Variants in HABP4 observed in about 807,000 individuals in gnomAD.
HABP4 encodes the protein hyaluronan binding protein 4.
A neutral mutation model predicts 44.1 loss-of-function variants in HABP4; 32 were observed. The observed-to-expected ratio is 0.73, with a 90% CI of 0.55 to 0.97. The LOEUF is 0.97. Among genes scored for constraint, HABP4 ranks in the 50% least tolerant of loss-of-function variants. The probability of loss-of-function intolerance (pLI) is 0.00; values close to 1 mark genes in which losing one functional copy is unlikely to be tolerated. For synonymous variants in HABP4, 216 were observed against 218.0 expected, an observed-to-expected ratio of 0.99 and a Z score of 0.08; for missense variants, 503 against 561.9, an observed-to-expected ratio of 0.90 and a Z score of 1.06.
At chr9:96,485,720 A>G (rs375808271) in intron 6 of HABP4, among the ~76,000 whole-genome samples, 1 of 152,110 alleles carries the variant, frequency 6.6e-6, no homozygotes, top group African/African-American at 2.4e-5. Context: ...AAGCATTCCC[A>G]TTATGGGATT....
At chr9:96,457,800 G>A (rs1189689075) in intron 1 of HABP4, among the ~76,000 whole-genome samples, 1 of 152,172 alleles carries the variant, frequency 6.6e-6, no homozygotes, top group Non-Finnish European at 1.5e-5. Context: ...CCTGGGAGGC[G>A]GAGATTGCAG....
At chr9:96,465,937 A>C (rs1183394838) in intron 4 of HABP4, among the ~76,000 whole-genome samples, 159 bp downstream of exon 4, 1 of 152,204 alleles carries the variant, frequency 6.6e-6, no homozygotes, top group Non-Finnish European at 1.5e-5. Context: ...ATAAGTTTTT[A>C]AAACAGGTTT....
In HABP4 at chr9:96,490,325, G is replaced by T. The variant is rs1253271855; in HGVS notation, c.*287G>T. Reference sequence around the variant, plus strand: ...ATATAGAGATAGTATAGACTCCTCCGCGGAAGCATGGAGGGAAAGGAGGTT... The same window carrying T: ...ATATAGAGATAGTATAGACTCCTCCTCGGAAGCATGGAGGGAAAGGAGGTT... On this transcript the variant is annotated 3_prime_UTR_variant, in exon 8 of 8. Transcript: ENST00000375249. 2 of 328,886 alleles carry T rather than the reference G, an allele frequency of 6.1e-6. No homozygotes were observed. Among genetic ancestry groups the T allele is most frequent in the African/African-American group, 2.1e-5 (1 of 47,408 alleles). The allele number at this position is 328,886 out of a possible 1,614,324, so 20.4% of individuals were successfully genotyped here. A position where few individuals can be genotyped will look rare whatever the true frequency, so the allele number is the denominator to read the frequency against.
At position 96,484,672 on chromosome 9, in the gene HABP4, T is replaced by A. The variant is rs1564169586; in HGVS notation, c.999+39T>A. The A allele has an allele frequency of 4.5e-6, 5 of 1,106,736 alleles. 1 individual carries two copies. The highest frequency in any genetic ancestry group is 4.7e-5 in the East Asian group (2 of 42,552). The allele number at this position is 1,106,736 out of a possible 1,614,324, so 68.6% of individuals were successfully genotyped here. ...TTCGTATGTAGAGGTAATCTTTACT[T>A]TTACCTTACTGGAAGTGAAATGTAC... On this transcript the variant is annotated intron_variant, in intron 6 of 7. Transcript: ENST00000375249.
chr9:96,483,877 C>T (rs1590973), intron 5 of HABP4: 45,662 of 151,990 alleles, frequency 0.3, 8,969 homozygotes, highest in African/African-American at 0.57. Context: ...TATCCAGTTG[C>T]CCAAGCACCG....
intron 1 of HABP4, among the ~76,000 whole-genome samples, chr9:96,456,781 ATATATATATATATATATATATAT>A (rs1348918830): frequency 3.0e-4 from 9 of 30,142 alleles, no homozygotes; most frequent in African/African-American, 4.3e-4. Flanking sequence ...AAAAAAAAAA[ATATATATATATATATATATATAT>A]ATATATATAT....
At chr9:96,469,715 G>A (rs887917884) in intron 4 of HABP4, among the ~76,000 whole-genome samples, 6 of 152,100 alleles carry the variant, frequency 3.9e-5, no homozygotes, top group African/African-American at 1.4e-4. Context: ...TAGAGACGGT[G>A]TTTCACCATG....
intron 2 of HABP4, among the ~76,000 whole-genome samples, chr9:96,459,678 T>C (rs1832466439): frequency 6.6e-6 from 1 of 152,178 alleles, no homozygotes; most frequent in African/African-American, 2.4e-5. Context: ...CCATTCCATT[T>C]AGGATTCTGG....
At chr9:96,484,098 G>C (rs141753715) in intron 5 of HABP4, 1 of 162,364 alleles carries the variant, frequency 6.2e-6, no homozygotes, top group East Asian at 1.8e-4. Context: ...TTTAAAACTT[G>C]TTTATGGTTT....
chr9:96,457,954 T>C (rs929689833), intron 1 of HABP4, among the ~76,000 whole-genome samples: 2 of 152,214 alleles, frequency 1.3e-5, no homozygotes, highest in African/African-American at 4.8e-5. Context: ...CCATAGTTGC[T>C]ATGTAATGTG....
At chr9:96,464,662 G>A (rs1021305313) in intron 2 of HABP4, among the ~76,000 whole-genome samples, 1 of 152,186 alleles carries the variant, frequency 6.6e-6, no homozygotes, top group Non-Finnish European at 1.5e-5. Context: ...AGGAAGATTG[G>A]TGGCCAGGAG....
At chr9:96,455,284 G>A (rs868261854) in intron 1 of HABP4, among the ~76,000 whole-genome samples, 2 of 140,476 alleles carry the variant, frequency 1.4e-5, no homozygotes, top group Non-Finnish European at 3.1e-5. Flanking sequence ...AACCCTGTCT[G>A]TAGTAAAAAT....
intron 7 of HABP4, among the ~76,000 whole-genome samples, chr9:96,489,100 C>T (rs996520557): frequency 1.3e-5 from 2 of 152,150 alleles, no homozygotes; most frequent in African/African-American, 4.8e-5. Flanking sequence ...TCCTGCTGCC[C>T]GGTTCCCTCG....
At chr9:96,475,939 T>C (rs1564166346) in intron 5 of HABP4, among the ~76,000 whole-genome samples, 1 of 152,260 alleles carries the variant, frequency 6.6e-6, no homozygotes, top group Non-Finnish European at 1.5e-5. Context: ...AATATCCGAT[T>C]AGTAAAGCTT....
At chr9:96,487,858 A>G (rs1339595965) in intron 6 of HABP4, among the ~76,000 whole-genome samples, 1 of 152,228 alleles carries the variant, frequency 6.6e-6, no homozygotes, top group Non-Finnish European at 1.5e-5. Context: ...TGTAATTGCA[A>G]GAATGTGGGA....
In HABP4 at chr9:96,484,614, A is replaced by T; in HGVS notation, c.980A>T (p.Lys327Met). The change falls in exon 6 of 8, where the codon AAG becomes ATG. Residue 327 changes from lysine (K) to methionine (M), a missense_variant. This residue lies in a region of HABP4 where 131 missense variants were observed against 189.8 expected (regional missense o/e 0.69). Transcript: ENST00000375249. ...TVPSKAVVIH[K>M]SKYRDDMVKD... The stretch of plus-strand genomic sequence containing the variant: ...CCTTCCAAAGCCGTGGTGATTCACA[A>T]GTCAAAATACAGAGATGATGTAAGC... 6.3e-7 allele frequency: 1 copy of T among 1,583,374 alleles called. No individual in the cohort carries two copies. Among genetic ancestry groups the T allele is most frequent in the Non-Finnish European group, 8.7e-7 (1 of 1,152,420 alleles).
At chr9:96,484,409 G>C (rs1587688605) in intron 5 of HABP4, 53 bp from the exon 6 acceptor site, 1 of 769,624 alleles carries the variant, frequency 1.3e-6, no homozygotes, top group East Asian at 2.5e-5. Flanking sequence ...TTATAAAGTA[G>C]ACATTTTAGT....
intron 6 of HABP4, among the ~76,000 whole-genome samples, chr9:96,485,761 A>G (rs1264418633): frequency 6.6e-6 from 1 of 152,052 alleles, no homozygotes; most frequent in Non-Finnish European, 1.5e-5. Flanking sequence ...CTACAGCTTG[A>G]TACCAGTCAC....
In HABP4 at chr9:96,471,069, AC is replaced by A; in HGVS notation, c.806del (p.Pro269ArgfsTer14). The A allele has an allele frequency of 1.3e-6, 2 of 1,596,582 alleles. No individual in the cohort carries two copies. Among genetic ancestry groups the A allele is most frequent in the Non-Finnish European group, 1.7e-6 (2 of 1,164,344 alleles). The part of the protein sequence containing the change: ...EPTVVEESQG[T>X]PEEESPAKVP... The stretch of plus-strand genomic sequence containing the variant: ...CACAGTGGTGGAGGAGTCCCAGGGC[AC>A]CCCGGAAGAGGAGTCTCCAGCCAAG... On this transcript the variant is annotated frameshift_variant, in exon 5 of 8. Coordinates refer to ENST00000375249, the MANE Select transcript of HABP4 (RefSeq NM_014282.4). LOFTEE classifies it high-confidence loss of function.
Sources: gnomAD v4.1 joint callset for allele counts (sites outside exome capture counted in the v4.1 genomes callset) on GRCh38, gnomAD v4.1.1 for gene constraint, gnomAD v4.1.1 regional missense constraint, MANE v1.5 for transcripts, NCBI Gene and HGNC (gene_info 2026-07-23, HGNC 2026-07-21) for gene names.